The following EIPR1 variants were observed in gnomAD, a reference collection of about 807,000 sequenced individuals.
EIPR1 encodes the protein EARP and GARP complex-interacting protein 1.
In EIPR1, 25 loss-of-function variants were observed where a neutral mutation model predicts 48.1. The observed-to-expected ratio is 0.52, with a 90% CI of 0.38 to 0.73. EIPR1 has a LOEUF of 0.73. EIPR1 is among the 30% of genes least tolerant of loss of function. The pLI is 0.00. For missense variants in EIPR1, 415 were observed against 506.2 expected (o/e 0.82, Z 1.73); for synonymous variants, 204 against 201.9 (o/e 1.01, Z -0.09).
intron 3 of EIPR1, among the ~76,000 whole-genome samples, chr2:3,279,386 C>A (rs1667953187): frequency 6.6e-6 from 1 of 152,170 alleles, no homozygotes. Flanking sequence ...AATAGTCTGT[C>A]ACCTTGAGCC....
intron 3 of EIPR1, among the ~76,000 whole-genome samples, chr2:3,310,251 G>A (rs1464837333): frequency 6.6e-6 from 1 of 152,242 alleles, no homozygotes; most frequent in East Asian, 1.9e-4. Flanking sequence ...ACGACAAATG[G>A]TTTCCAAACA....
intron 3 of EIPR1, chr2:3,301,284 T>C (rs1041672112): frequency 6.6e-6 from 1 of 152,208 alleles, no homozygotes; most frequent in Non-Finnish European, 1.5e-5. Flanking sequence ...ACACATCTTC[T>C]TTCTGACCCC....
chr2:3,305,584 C>G (rs1336833510), intron 3 of EIPR1, among the ~76,000 whole-genome samples: 1 of 152,232 alleles, frequency 6.6e-6, no homozygotes. Flanking sequence ...GTCCTGTGCC[C>G]CCATTGAGTA....
At position 3,377,714 on chromosome 2, in the gene EIPR1, G is replaced by T. The variant is rs1169773222; in HGVS notation, c.-25C>A. The T allele has an allele frequency of 6.4e-7, 1 of 1,570,380 alleles. No homozygotes were observed. Among genetic ancestry groups the T allele is most frequent in the Non-Finnish European group, 8.6e-7 (1 of 1,157,240 alleles). ...TGCTGCGGGGAAGCGACCCGACCCC[G>T]GCCACTCACACGCTAAGGACCTCGC... On this transcript the variant is annotated 5_prime_UTR_variant, in exon 1 of 9. Transcript: ENST00000382125.
chr2:3,197,134 G>A (rs1558215509), intron 5 of EIPR1, 117 bp from the exon 6 acceptor site: 4 of 1,147,532 alleles, frequency 3.5e-6, no homozygotes, highest in South Asian at 3.4e-5. Flanking sequence ...TAATTACTGA[G>A]GATAATTAGG....
In EIPR1 at chr2:3,241,685, TATGCA is replaced by T. The variant is rs201348327; in HGVS notation, c.416+15609_416+15613del. ...CTAGGTGGCGCACACCTGATGTGAG[TATGCA>T]GCATCCCTTCATTGCCACTGAGAGG... On this transcript the variant is annotated intron_variant, in intron 4 of 8. Coordinates refer to ENST00000382125, the MANE Select transcript of EIPR1 (RefSeq NM_003310.5). 1.6e-3 allele frequency among the ~76,000 whole-genome samples: 244 copies of T among 152,196 alleles called. 4 individuals carry two copies. The East Asian group carries it at 0.018, about 11-fold the overall frequency.
In EIPR1 at chr2:3,194,174, AGAAG is replaced by A; in HGVS notation, c.654-12_654-9del. The A allele has an allele frequency of 6.2e-7, 1 of 1,612,692 alleles. No individual in the cohort carries two copies. Among genetic ancestry groups the A allele is most frequent in the African/African-American group, 1.3e-5 (1 of 75,040 alleles). The stretch of plus-strand genomic sequence containing the variant: ...TCTATGCAGTAGATCTGGCTGAGGG[AGAAG>A]GAAGAACAGCAAAGGAAAATAGTAA... On this transcript the variant is annotated splice_polypyrimidine_tract_variant and intron_variant, in intron 6 of 8. Coordinates refer to ENST00000382125, the MANE Select transcript of EIPR1 (RefSeq NM_003310.5).
intron 3 of EIPR1, chr2:3,320,642 T>G (rs1009095570): frequency 1.3e-5 from 2 of 152,246 alleles, no homozygotes; most frequent in South Asian, 4.1e-4. Context: ...TAATAACTTG[T>G]TCCCTGAAAT....
intron 2 of EIPR1, among the ~76,000 whole-genome samples, chr2:3,349,967 T>C (rs1232299081): frequency 6.6e-6 from 1 of 151,660 alleles, no homozygotes; most frequent in Non-Finnish European, 1.5e-5. Flanking sequence ...CTACTAAAAA[T>C]ATAAAAATTA....
intron 5 of EIPR1, among the ~76,000 whole-genome samples, chr2:3,204,584 G>A (rs1292527404): frequency 3.3e-5 from 5 of 152,160 alleles, no homozygotes; most frequent in Admixed American, 1.3e-4. Context: ...GATTAAAGGC[G>A]CCCACAAAAC....
intron 3 of EIPR1, among the ~76,000 whole-genome samples, chr2:3,278,312 C>CA (rs944856037): frequency 1.3e-5 from 2 of 152,206 alleles, no homozygotes; most frequent in African/African-American, 4.8e-5. Context: ...CCACTGCCCA[C>CA]ATGCCCTGCC....
chr2:3,269,460 A>ACACTCAGGCATCG (rs1667616997), intron 3 of EIPR1, among the ~76,000 whole-genome samples: 1 of 11,072 alleles, frequency 9.0e-5, no homozygotes, highest in Non-Finnish European at 2.3e-4. Context: ...AATCATCACC[A>ACACTCAGGCATCG]CACTCAGTCA....
chr2:3,260,379 T>C (rs1371741993), intron 3 of EIPR1, among the ~76,000 whole-genome samples: 1 of 151,880 alleles, frequency 6.6e-6, no homozygotes, highest in Non-Finnish European at 1.5e-5. Context: ...TAATCCCAGC[T>C]ACTTGGGAGG....
At position 3,369,919 on chromosome 2, in the gene EIPR1, G is replaced by C. The variant is rs62119551; in HGVS notation, c.42+7729C>G. Among the ~76,000 whole-genome samples the C allele has an allele frequency of 8.7e-3, 1,320 of 151,990 alleles. 125 individuals are homozygous for C. In the East Asian group the frequency reaches 0.2, roughly 23 times the overall value. ...AGCACGCAGCTGGAGATCTGAGAAC[G>C]GGCAGACTGCCTCCTCAAGTGGGTC... On this transcript the variant is annotated intron_variant, in intron 1 of 8. Transcript: ENST00000382125.
At chr2:3,253,387 T>C (rs13383081) in intron 4 of EIPR1, among the ~76,000 whole-genome samples, 83,775 of 151,716 alleles carry the variant, frequency 0.55, 23,437 homozygotes, top group East Asian at 0.75. Context: ...CAGGACCCCC[T>C]GAGGGCCGTG....
intron 6 of EIPR1, 25 bp downstream of exon 6, chr2:3,196,856 G>A (rs1664826602): frequency 1.9e-6 from 3 of 1,610,670 alleles, no homozygotes; most frequent in Admixed American, 1.7e-5. Context: ...AGGAAGTGGG[G>A]CCTGCGCCGG....
At chr2:3,315,183 C>T (rs1371737981) in intron 3 of EIPR1, among the ~76,000 whole-genome samples, 21 of 1,492 alleles carry the variant, frequency 0.014, 1 homozygote, top group African/African-American at 0.024. Context: ...CCCCTACCAC[C>T]ACCATCACCA....
intron 3 of EIPR1, among the ~76,000 whole-genome samples, chr2:3,305,428 T>C (rs1004225920): frequency 1.4e-5 from 2 of 145,044 alleles, no homozygotes; most frequent in African/African-American, 5.2e-5. Context: ...AGTTCAACCT[T>C]CCACTCCCGT....
chr2:3,252,110 C>G (rs1667017497), intron 4 of EIPR1, among the ~76,000 whole-genome samples: 1 of 152,198 alleles, frequency 6.6e-6, no homozygotes, highest in South Asian at 2.1e-4. Flanking sequence ...ATGGTTGTTG[C>G]AAAGCATTCA....
Sources: allele counts gnomAD v4.1 joint callset (sites outside exome capture counted in the v4.1 genomes callset), GRCh38; gene constraint gnomAD v4.1.1; transcripts MANE v1.5; gene names NCBI Gene and HGNC (gene_info 2026-07-23, HGNC 2026-07-21).